Variants in RAP1A observed in about 807,000 individuals in gnomAD.
RAP1A encodes RAP1A, member of RAS oncogene family.
RAP1A carries 6 observed loss-of-function variants against 26.4 expected under a neutral mutation model. The ratio of observed to expected loss-of-function variants is 0.23; its 90% confidence interval spans 0.12 to 0.45. The LOEUF is 0.45. Among genes scored for constraint, RAP1A ranks in the 20% least tolerant of loss-of-function variants. The pLI is 0.99. For missense variants in RAP1A, 121 were observed against 217.2 expected, an observed-to-expected ratio of 0.56 and a Z score of 2.78; for synonymous variants, 73 against 79.4, an observed-to-expected ratio of 0.92 and a Z score of 0.43.
chr1:111,557,154 C>A (rs1267752423), intron 1 of RAP1A, among the ~76,000 whole-genome samples: 2 of 152,106 alleles, frequency 1.3e-5, no homozygotes, highest in Non-Finnish European at 2.9e-5. Context: ...AGACTGACAA[C>A]TGATTTTTCA....
At chr1:111,613,587 A>C (rs1658963932) in intron 1 of RAP1A, among the ~76,000 whole-genome samples, 1 of 152,208 alleles carries the variant, frequency 6.6e-6, no homozygotes, top group Admixed American at 6.5e-5. Context: ...GTAAGTGGCC[A>C]ACATGATAGG....
intron 1 of RAP1A, among the ~76,000 whole-genome samples, chr1:111,578,226 G>A (rs889899723): frequency 2.0e-5 from 3 of 152,098 alleles, no homozygotes; most frequent in African/African-American, 7.2e-5. Context: ...TGGTGGGCAT[G>A]GGTCACCAAG....
intron 1 of RAP1A, among the ~76,000 whole-genome samples, chr1:111,660,743 C>A (rs573921475): frequency 6.6e-6 from 1 of 152,332 alleles, no homozygotes; most frequent in South Asian, 2.1e-4. Flanking sequence ...GAAGTCCTTA[C>A]CGTGGCCTAA....
rs1430277616 is a variant in RAP1A, at chr1:111,714,940, T to C, written c.*2539T>C. 1.3e-5 allele frequency: 2 copies of C among 152,220 alleles called. No homozygotes were observed. Among genetic ancestry groups the C allele is most frequent in the Non-Finnish European group, 2.9e-5 (2 of 68,044 alleles). The allele number at this position is 152,220 out of a possible 1,614,324, so 9.4% of individuals were successfully genotyped here. On this transcript the variant is annotated 3_prime_UTR_variant, in exon 8 of 8. Transcript: ENST00000369709. Reference sequence around the variant, plus strand: ...TTGGTTATATGAGTGACACAGAATTTAAGGAGGCTTCATGCCATAGTTCAT... The same window carrying C: ...TTGGTTATATGAGTGACACAGAATTCAAGGAGGCTTCATGCCATAGTTCAT...
At chr1:111,557,384 T>TA (rs1358517059) in intron 1 of RAP1A, among the ~76,000 whole-genome samples, 1 of 151,834 alleles carries the variant, frequency 6.6e-6, no homozygotes, top group East Asian at 1.9e-4. Context: ...CTGTCTCTAC[T>TA]AAAAATACAA....
At chr1:111,619,013 A>G (rs1359414), upstream of RAP1A, among the ~76,000 whole-genome samples, 42,906 of 151,942 alleles carry the variant, frequency 0.28, 6,055 homozygotes, top group South Asian at 0.31. Context: ...CCCTTCTCTC[A>G]TGGTTTCCCG....
chr1:111,705,419 A>G (rs1280127392), intron 6 of RAP1A, among the ~76,000 whole-genome samples: 2 of 152,078 alleles, frequency 1.3e-5, no homozygotes, highest in Non-Finnish European at 1.5e-5. Flanking sequence ...TTCTTGACTA[A>G]TATTATGCTT....
At chr1:111,599,231 A>G (rs1658620830) in intron 1 of RAP1A, among the ~76,000 whole-genome samples, 1 of 151,872 alleles carries the variant, frequency 6.6e-6, no homozygotes, top group Non-Finnish European at 1.5e-5. Flanking sequence ...TTTGAGATGG[A>G]GTCTGGCTCT....
At chr1:111,619,784 GCGC>G, upstream of RAP1A, 2 of 397,682 alleles carry the variant, frequency 5.0e-6, no homozygotes, top group Non-Finnish European at 8.9e-6. Context: ...TCTGGAGGAG[GCGC>G]CGCCGCCGCT....
chr1:111,663,549 T>C (rs1248397516), intron 1 of RAP1A, among the ~76,000 whole-genome samples: 2 of 152,226 alleles, frequency 1.3e-5, no homozygotes, highest in Non-Finnish European at 2.9e-5. Context: ...TTATCTAATT[T>C]GGTGTTCACA....
intron 2 of RAP1A, among the ~76,000 whole-genome samples, chr1:111,693,949 C>T (rs1015168382): frequency 1.3e-5 from 2 of 150,414 alleles, no homozygotes; most frequent in African/African-American, 2.5e-5. Flanking sequence ...AGTGCAGTGG[C>T]GTGATCATGG....
At chr1:111,625,951 A>G (rs890954633) in intron 1 of RAP1A, among the ~76,000 whole-genome samples, 5 of 152,064 alleles carry the variant, frequency 3.3e-5, no homozygotes, top group Admixed American at 2.0e-4. Context: ...TCATAATTTC[A>G]TTAATAGATT....
At chr1:111,665,656 G>A (rs1660779197) in intron 1 of RAP1A, among the ~76,000 whole-genome samples, 1 of 152,152 alleles carries the variant, frequency 6.6e-6, no homozygotes, top group Non-Finnish European at 1.5e-5. Flanking sequence ...TACTGGTGAT[G>A]TGCTTTTGAT....
intron 1 of RAP1A, among the ~76,000 whole-genome samples, chr1:111,580,852 A>G (rs561032679): frequency 2.4e-5 from 1 of 42,064 alleles, no homozygotes; most frequent in South Asian, 1.1e-3. Flanking sequence ...CTCAAAAACA[A>G]AAAAACAAAA....
At chr1:111,595,287 A>G (rs1181948934) in intron 1 of RAP1A, among the ~76,000 whole-genome samples, 1 of 152,154 alleles carries the variant, frequency 6.6e-6, no homozygotes, top group Non-Finnish European at 1.5e-5. Context: ...TGCAGGAGGA[A>G]CCTATAGGAC....
Position 111,703,431 on chromosome 1 carries a change from A to G in RAP1A, c.279A>G (p.Leu93=), listed in dbSNP as rs150192786. 115 of 1,607,678 alleles carry G rather than the reference A, an allele frequency of 7.2e-5. No individual in the cohort carries two copies. The African/African-American group carries it at 1.5e-3, about 21-fold the overall frequency. The part of the protein sequence containing the change: ...SITAQSTFND[L]QDLREQILRV... ...CAGCTCAGTCCACGTTTAACGACTTACAGGACCTGAGGGAACAGATTTTAC... is the reference window on the plus strand; with the variant it reads ...CAGCTCAGTCCACGTTTAACGACTTGCAGGACCTGAGGGAACAGATTTTAC... The change falls in exon 5 of 8, where the codon TTA becomes TTG. Residue 93 remains leucine, a synonymous_variant. Coordinates refer to ENST00000369709, the MANE Select transcript of RAP1A (RefSeq NM_002884.4).
upstream of RAP1A, among the ~76,000 whole-genome samples, chr1:111,617,386 C>G (rs1041281684): frequency 1.3e-5 from 2 of 152,196 alleles, no homozygotes; most frequent in Non-Finnish European, 2.9e-5. Flanking sequence ...TTGCTTCTCA[C>G]CTATTTGAGG....
chr1:111,631,582 AC>A (rs1431655953), intron 1 of RAP1A, among the ~76,000 whole-genome samples: 68 of 152,312 alleles, frequency 4.5e-4, no homozygotes, highest in African/African-American at 1.5e-3. Context: ...TGGGTAGTAA[AC>A]TTCCAGAAGA....
intron 1 of RAP1A, among the ~76,000 whole-genome samples, chr1:111,553,361 G>A (rs773460153): frequency 7.9e-5 from 12 of 152,188 alleles, no homozygotes; most frequent in Non-Finnish European, 1.5e-4. Context: ...TGGAATTTGA[G>A]GAGCATGGGG....
Sources: gnomAD v4.1 joint callset for allele counts (sites outside exome capture counted in the v4.1 genomes callset) on GRCh38, gnomAD v4.1.1 for gene constraint, MANE v1.5 for transcripts, NCBI Gene and HGNC (gene_info 2026-07-23, HGNC 2026-07-21) for gene names.